VPS35L: variants seen among roughly 807,000 people sequenced by gnomAD.
VPS35L encodes VPS35 endosomal protein sorting factor like.
VPS35L carries 83 observed loss-of-function variants against 133.0 expected under a neutral mutation model. The ratio of observed to expected loss-of-function variants is 0.62; its 90% CI spans 0.52 to 0.75. The LOEUF (loss-of-function observed/expected upper bound fraction) is 0.75. Among genes scored for constraint, VPS35L ranks in the 30% least tolerant of loss-of-function variants. The probability of loss-of-function intolerance (pLI) is 0.00; values close to 1 mark genes in which losing one functional copy is unlikely to be tolerated. For synonymous variants in VPS35L, 423 were observed against 449.9 expected (o/e 0.94, Z 0.76); for missense variants, 1,083 against 1,206.8 (o/e 0.90, Z 1.52).
chr16:19,587,375 A>G (rs1245555603), intron 7 of VPS35L: 1 of 451,266 alleles, frequency 2.2e-6, no homozygotes, highest in Non-Finnish European at 4.5e-6. Context: ...CATGCCTGTA[A>G]TCCCAGCACT....
Position 19,669,239 on chromosome 16 carries a change from A to C in VPS35L, c.2301A>C (p.Pro767=). 1 of 1,613,442 alleles carries C rather than the reference A, an allele frequency of 6.2e-7. No individual in the cohort carries two copies. The highest frequency in any genetic ancestry group is 8.5e-7 in the Non-Finnish European group (1 of 1,179,444). The part of the protein sequence containing the change: ...KMINIDGKMR[P]SESFLLEFLC... ...TTAATATTGATGGGAAGATGCGGCCATCGGAATCGTTCCTTCTGGAATTCC... is the reference window on the plus strand; with the variant it reads ...TTAATATTGATGGGAAGATGCGGCCCTCGGAATCGTTCCTTCTGGAATTCC... Residue 767 remains proline (P), a synonymous_variant, in exon 27 of 31, where the codon CCA becomes CCC. Transcript: ENST00000417362.
At chr16:19,645,435 G>A (rs1341710762) in intron 23 of VPS35L, among the ~76,000 whole-genome samples, 2 of 151,966 alleles carry the variant, frequency 1.3e-5, no homozygotes, top group Admixed American at 6.6e-5. Flanking sequence ...GACTACAGGC[G>A]CCCGGCACCA....
intron 19 of VPS35L, among the ~76,000 whole-genome samples, chr16:19,634,997 A>G (rs1432655681): frequency 6.6e-6 from 1 of 152,240 alleles, no homozygotes; most frequent in African/African-American, 2.4e-5. Flanking sequence ...AGAATGCACA[A>G]GGGAATGTCA....
chr16:19,641,114 G>A (rs1328853028), intron 21 of VPS35L, among the ~76,000 whole-genome samples: 1 of 151,688 alleles, frequency 6.6e-6, no homozygotes, highest in Non-Finnish European at 1.5e-5. Flanking sequence ...ACCCAGGCTC[G>A]AGTGAAATGG....
In VPS35L at chr16:19,695,086, C is replaced by T. The variant is rs558658269; in HGVS notation, c.2646+3615C>T. Among the ~76,000 whole-genome samples, 49 of 152,060 alleles carry T rather than the reference C, an allele frequency of 3.2e-4. 1 individual carries two copies. The highest frequency in any genetic ancestry group is 1.1e-3 in the African/African-American group (45 of 41,452). On this transcript the variant is annotated intron_variant, in intron 29 of 30. Transcript: ENST00000417362. ...CTCCCAAAGTGCTGCGGATTCTGGGCGTAAGCCGCCATGCCCAGCCTTCCC... is the reference window on the plus strand; with the variant it reads ...CTCCCAAAGTGCTGCGGATTCTGGGTGTAAGCCGCCATGCCCAGCCTTCCC...
At chr16:19,664,721 GAAAC>G (rs1974604968) in intron 26 of VPS35L, among the ~76,000 whole-genome samples, 5 of 152,114 alleles carry the variant, frequency 3.3e-5, no homozygotes, top group Middle Eastern at 3.4e-3. Flanking sequence ...CCAACATGGT[GAAAC>G]CCCATCTCTA....
rs189467872 is a variant in VPS35L at position 19,569,065 on chromosome 16, G to T, written c.118-359G>T. On this transcript the variant is annotated intron_variant, in intron 2 of 30. Transcript: ENST00000417362. ...TTTGATTGGTAGTCTCTAGTTAGTG[G>T]GTAGTTGGCGATTTGCAACTGATTA... is the stretch of plus-strand genomic sequence containing the variant. 4.6e-5 allele frequency among the ~76,000 whole-genome samples: 7 copies of T among 152,226 alleles called. No homozygotes were observed. In the East Asian group the frequency reaches 1.4e-3, roughly 29 times the overall value.
At chr16:19,669,067 ACT>A (rs749832163) in intron 26 of VPS35L, 91 bp from the exon 27 acceptor site, 1 of 1,363,010 alleles carries the variant, frequency 7.3e-7, no homozygotes, top group Non-Finnish European at 9.9e-7. Flanking sequence ...CTTCTACCTA[ACT>A]CTCAGGACTG....
At chr16:19,616,538 T>TAAA in intron 13 of VPS35L, 148 bp from the exon 14 acceptor site, 11 of 884,232 alleles carry the variant, frequency 1.2e-5, no homozygotes, top group South Asian at 2.3e-5. Flanking sequence ...TTTTTTGGTT[T>TAAA]AAAAAAAAAA....
At position 19,569,503 on chromosome 16, in the gene VPS35L, T is replaced by G. The variant is rs1186641386; in HGVS notation, c.197T>G (p.Val66Gly). 3 of 1,610,774 alleles carry G rather than the reference T, an allele frequency of 1.9e-6. No individual in the cohort carries two copies. The Admixed American group carries it at 5.0e-5, about 27-fold the overall frequency. The change falls in exon 3 of 31, where the codon GTG becomes GGG. Residue 66 changes from valine to glycine, a missense_variant. By Grantham distance (109) the Val-to-Gly change is moderately radical. Coordinates refer to ENST00000417362, the MANE Select transcript of VPS35L (RefSeq NM_020314.7). ...STSSSSSSSV[V>G]DPLSSVLDGT... ...TCCTCCTCCTCCTCCAGCTCCGTGG[T>G]GGACCCGCTGAGCAGCGTCCTCGAT...
At chr16:19,691,881 CTT>C (rs555976435) in intron 29 of VPS35L, among the ~76,000 whole-genome samples, 9 of 144,288 alleles carry the variant, frequency 6.2e-5, no homozygotes, top group African/African-American at 1.0e-4. Flanking sequence ...CCTGGTGAGT[CTT>C]TTTTTTTTTT....
intron 27 of VPS35L, among the ~76,000 whole-genome samples, chr16:19,670,848 T>G (rs1204916476): frequency 6.6e-6 from 1 of 152,170 alleles, no homozygotes; most frequent in South Asian, 2.1e-4. Context: ...TTAACAAACC[T>G]CTGAGTGAAA....
intron 1 of VPS35L, among the ~76,000 whole-genome samples, chr16:19,562,232 A>G (rs1567380977): frequency 6.6e-6 from 1 of 152,192 alleles, no homozygotes; most frequent in Non-Finnish European, 1.5e-5. Flanking sequence ...GCAACAAGGA[A>G]TAGTGGGAAT....
At chr16:19,648,161 C>A (rs994992930) in intron 24 of VPS35L, among the ~76,000 whole-genome samples, 2 of 152,040 alleles carry the variant, frequency 1.3e-5, no homozygotes, top group Non-Finnish European at 2.9e-5. Context: ...GAGATGGGGT[C>A]TCTGTGTTGC....
At chr16:19,586,652 T>C (rs1486840508) in intron 7 of VPS35L, among the ~76,000 whole-genome samples, 1 of 152,200 alleles carries the variant, frequency 6.6e-6, no homozygotes, top group East Asian at 1.9e-4. Flanking sequence ...AAGTTTTTAC[T>C]TTCAGCTCCA....
At chr16:19,613,872 G>A (rs148955088) in intron 12 of VPS35L, among the ~76,000 whole-genome samples, 144 of 152,300 alleles carry the variant, frequency 9.5e-4, no homozygotes, top group Non-Finnish European at 1.7e-3. Flanking sequence ...CCAGCAATGG[G>A]GGGGATGAAT....
In VPS35L at chr16:19,640,053, G is replaced by A. The variant is rs368868480; in HGVS notation, c.1737G>A (p.Glu579=). Residue 579 remains glutamate (E), a synonymous_variant, in exon 21 of 31, where the codon GAG becomes GAA. Transcript: ENST00000417362. ...FLPFLDMFQK[E]SVRVEVCKCI... ...CGTTTCTGGACATGTTCCAAAAAGA[G>A]AGTGTGCGGGTGGAGGTTTGCAAAT... 6 of 1,614,126 alleles carry A rather than the reference G, an allele frequency of 3.7e-6. No homozygotes were observed. In the African/African-American group the frequency reaches 6.7e-5, roughly 18 times the overall value.
chr16:19,570,208 T>G (rs1971319224), intron 3 of VPS35L, among the ~76,000 whole-genome samples: 1 of 152,052 alleles, frequency 6.6e-6, no homozygotes, highest in South Asian at 2.1e-4. Context: ...GGGACAGGCA[T>G]GCACCACCAT....
chr16:19,655,050 C>G (rs1023336826), intron 26 of VPS35L, among the ~76,000 whole-genome samples: 2 of 152,204 alleles, frequency 1.3e-5, no homozygotes, highest in Admixed American at 1.3e-4. Flanking sequence ...TAAGTAGTTT[C>G]TCCCTGTTGT....
Sources: allele counts gnomAD v4.1 joint callset (sites outside exome capture counted in the v4.1 genomes callset), GRCh38; gene constraint gnomAD v4.1.1; transcripts MANE v1.5; gene names NCBI Gene and HGNC (gene_info 2026-07-23, HGNC 2026-07-21).